Variants in ESRRG observed in about 807,000 individuals in gnomAD.
ESRRG encodes estrogen related receptor gamma.
Under a neutral mutation model 44.0 loss-of-function variants are expected in ESRRG, and 13 were observed. The observed-to-expected ratio is 0.30, with a 90% confidence interval of 0.19 to 0.47. The LOEUF is 0.47. ESRRG is among the 20% of genes least tolerant of loss of function. The pLI, the probability that ESRRG is intolerant of heterozygous loss-of-function variation, is 1.00. For missense variants in ESRRG, 395 were observed against 580.6 expected, an observed-to-expected ratio of 0.68 and a Z score of 3.29; for synonymous variants, 215 against 214.6, an observed-to-expected ratio of 1.00 and a Z score of -0.02.
At chr1:216,524,284 CTA>C (rs1394164705) in intron 5 of ESRRG, among the ~76,000 whole-genome samples, 12 of 133,258 alleles carry the variant, frequency 9.0e-5, no homozygotes, top group Non-Finnish European at 1.4e-4. Flanking sequence ...TTGCAGGAGA[CTA>C]TATATATATA....
intron 2 of ESRRG, among the ~76,000 whole-genome samples, chr1:216,870,480 G>T (rs190051278): frequency 5.0e-4 from 76 of 151,858 alleles, no homozygotes; most frequent in Middle Eastern, 3.4e-3. Flanking sequence ...TTGGTACAAG[G>T]GTTACTCTTT....
chr1:216,557,944 T>C (rs2057923436), intron 5 of ESRRG, among the ~76,000 whole-genome samples: 1 of 152,180 alleles, frequency 6.6e-6, no homozygotes, highest in African/African-American at 2.4e-5. Flanking sequence ...AGCTGGGTTA[T>C]GTATGGATGG....
intron 1 of ESRRG, among the ~76,000 whole-genome samples, chr1:216,687,160 A>T (rs957722262): frequency 6.6e-6 from 1 of 151,838 alleles, no homozygotes; most frequent in Non-Finnish European, 1.5e-5. Flanking sequence ...CTGAAGACTC[A>T]CTCCCAGTGG....
intron 2 of ESRRG, among the ~76,000 whole-genome samples, chr1:216,774,144 A>G (rs1260626736): frequency 6.6e-6 from 1 of 152,090 alleles, no homozygotes; most frequent in Non-Finnish European, 1.5e-5. Context: ...TGATATCAAG[A>G]CCACTGCACT....
chr1:216,994,162 G>A (rs1217261401), intron 1 of ESRRG, among the ~76,000 whole-genome samples: 6 of 152,168 alleles, frequency 3.9e-5, no homozygotes, highest in Non-Finnish European at 7.3e-5. Flanking sequence ...TAGATTACAT[G>A]TCTCAGGGGA....
chr1:216,932,101 G>A (rs1315085682), intron 2 of ESRRG, among the ~76,000 whole-genome samples: 2 of 152,140 alleles, frequency 1.3e-5, no homozygotes, highest in Non-Finnish European at 2.9e-5. Context: ...TTACTCAGGA[G>A]GCTGAGGCAG....
At chr1:216,943,280 A>G (rs947724692) in intron 1 of ESRRG, among the ~76,000 whole-genome samples, 2 of 152,266 alleles carry the variant, frequency 1.3e-5, no homozygotes, top group Middle Eastern at 3.4e-3. Flanking sequence ...CTTCACTCAC[A>G]AAGTCAGTGA....
chr1:216,754,557 A>T (rs2092320617), intron 2 of ESRRG, among the ~76,000 whole-genome samples: 4 of 151,918 alleles, frequency 2.6e-5, no homozygotes, highest in African/African-American at 9.7e-5. Context: ...TATAAGAAAC[A>T]ATGAGTTTGG....
At chr1:216,924,741 G>C (rs2062300594) in intron 2 of ESRRG, among the ~76,000 whole-genome samples, 1 of 152,152 alleles carries the variant, frequency 6.6e-6, no homozygotes, top group African/African-American at 2.4e-5. Context: ...AGAGTTTGCA[G>C]CTCCAGCCAC....
At chr1:216,611,952 G>A (rs2060738373) in intron 3 of ESRRG, among the ~76,000 whole-genome samples, 1 of 152,134 alleles carries the variant, frequency 6.6e-6, no homozygotes, top group Admixed American at 6.5e-5. Context: ...GCAGGCAAGT[G>A]GCTGAAACAT....
chr1:216,547,253 TTGATGA>T lies in ESRRG; in HGVS notation c.862+16960_862+16965del, dbSNP rs55716294. On this transcript the variant is annotated intron_variant, in intron 5 of 6. Coordinates refer to ENST00000408911, the MANE Select transcript of ESRRG (RefSeq NM_001438.4). Reference sequence around the variant, plus strand: ...ATGTAGCTGGATGATGTTGATGTTGTTGATGATGATGATGATGATGATGATACCAAA... The same window carrying T: ...ATGTAGCTGGATGATGTTGATGTTGTTGATGATGATGATGATGATACCAAA... Among the ~76,000 whole-genome samples the T allele has an allele frequency of 1.5e-4, 23 of 150,862 alleles. No homozygotes were observed. The East Asian group carries it at 2.6e-3, about 17-fold the overall frequency.
intron 6 of ESRRG, among the ~76,000 whole-genome samples, chr1:216,513,664 C>G (rs1490006413): frequency 6.6e-6 from 1 of 152,132 alleles, no homozygotes; most frequent in Non-Finnish European, 1.5e-5. Flanking sequence ...AGGCTTCTTA[C>G]AAGTCCCAAA....
intron 2 of ESRRG, among the ~76,000 whole-genome samples, chr1:216,870,598 T>C (rs944612926): frequency 6.6e-5 from 10 of 151,998 alleles, no homozygotes; most frequent in Admixed American, 2.6e-4. Context: ...TCTTCCATAA[T>C]AGTTTGGTAA....
chr1:216,518,325 G>A (rs1268185969), intron 6 of ESRRG, among the ~76,000 whole-genome samples: 1 of 152,086 alleles, frequency 6.6e-6, no homozygotes, highest in Non-Finnish European at 1.5e-5. Flanking sequence ...TGTAATTAAA[G>A]GGAAAACTAC....
intron 1 of ESRRG, among the ~76,000 whole-genome samples, chr1:217,075,917 T>A (rs2091241734): frequency 6.6e-6 from 1 of 152,330 alleles, no homozygotes; most frequent in East Asian, 1.9e-4. Flanking sequence ...CTTTTTCATG[T>A]GCTGATTGGT....
intron 2 of ESRRG, among the ~76,000 whole-genome samples, chr1:216,824,097 G>C (rs551529734): frequency 6.6e-6 from 1 of 152,260 alleles, no homozygotes; most frequent in East Asian, 1.9e-4. Context: ...ACATTTCCTA[G>C]GGCCGCATTA....
At chr1:216,912,171 AAAAGAAAAGAAAAGG>A (rs1271454103) in intron 2 of ESRRG, among the ~76,000 whole-genome samples, 3,742 of 33,342 alleles carry the variant, frequency 0.11, 361 homozygotes, top group Admixed American at 0.14. Flanking sequence ...AAAAGAAAAG[AAAAGAAAAGAAAAGG>A]AGAGGAGAGG....
intron 1 of ESRRG, among the ~76,000 whole-genome samples, chr1:216,991,339 C>T (rs961642736): frequency 6.6e-6 from 1 of 152,082 alleles, no homozygotes; most frequent in African/African-American, 2.4e-5. Flanking sequence ...TTTTTCCTGT[C>T]CTCAGCCAAC....
At chr1:216,533,425 C>A (rs1412081271) in intron 5 of ESRRG, among the ~76,000 whole-genome samples, 2 of 152,074 alleles carry the variant, frequency 1.3e-5, no homozygotes. Context: ...ATAAGAAAAA[C>A]TCCTTGGTCA....
Sources: allele counts gnomAD v4.1 joint callset (sites outside exome capture counted in the v4.1 genomes callset), GRCh38; gene constraint gnomAD v4.1.1; transcripts MANE v1.5; gene names NCBI Gene and HGNC (gene_info 2026-07-23, HGNC 2026-07-21).